EDIL3: variants seen among roughly 807,000 people sequenced by gnomAD.
EDIL3 encodes EGF like and discoidin domains 3.
Under a neutral mutation model 67.4 loss-of-function variants are expected in EDIL3, and 37 were observed. The observed-to-expected ratio is 0.55, with a 90% CI of 0.42 to 0.72. The LOEUF (loss-of-function observed/expected upper bound fraction) is 0.72. EDIL3 is among the 30% of genes least tolerant of loss of function. The probability of loss-of-function intolerance (pLI) is 0.00; values close to 1 mark genes in which losing one functional copy is unlikely to be tolerated. For missense variants in EDIL3, 527 were observed against 586.3 expected (o/e 0.90, Z 1.04); for synonymous variants, 195 against 196.3 (o/e 0.99, Z 0.05).
At chr5:84,341,301 T>C (rs1251045882) in intron 1 of EDIL3, among the ~76,000 whole-genome samples, 1 of 152,070 alleles carries the variant, frequency 6.6e-6, no homozygotes, top group East Asian at 1.9e-4. Flanking sequence ...TCCTACTGTG[T>C]GCAATGTTCT....
chr5:84,033,154 T>A (rs1745958345), intron 9 of EDIL3, among the ~76,000 whole-genome samples: 1 of 152,198 alleles, frequency 6.6e-6, no homozygotes, highest in Admixed American at 6.5e-5. Context: ...GTAGGATGCT[T>A]CTCTGGAGAT....
chr5:84,360,372 C>G (rs979815868), intron 1 of EDIL3, among the ~76,000 whole-genome samples: 1 of 152,134 alleles, frequency 6.6e-6, no homozygotes. Flanking sequence ...TTTTGTACAG[C>G]CTTCCCTGAG....
intron 1 of EDIL3, among the ~76,000 whole-genome samples, chr5:84,294,064 T>C (rs750632223): frequency 8.6e-5 from 13 of 151,906 alleles, no homozygotes; most frequent in East Asian, 3.9e-4. Flanking sequence ...CCCTTCATTA[T>C]TGCATATACC....
chr5:84,161,468 C>G (rs572988182), intron 4 of EDIL3, among the ~76,000 whole-genome samples: 17 of 151,940 alleles, frequency 1.1e-4, no homozygotes, highest in Non-Finnish European at 2.4e-4. Context: ...AAAAAAAGAG[C>G]TTCACAGTCT....
intron 3 of EDIL3, among the ~76,000 whole-genome samples, chr5:84,187,487 C>G (rs1743489178): frequency 6.6e-6 from 1 of 151,908 alleles, no homozygotes; most frequent in South Asian, 2.1e-4. Context: ...AAATATGCCT[C>G]CAAAACATTG....
intron 1 of EDIL3, among the ~76,000 whole-genome samples, chr5:84,263,364 T>A (rs1397213342): frequency 6.6e-6 from 1 of 152,176 alleles, no homozygotes; most frequent in Non-Finnish European, 1.5e-5. Flanking sequence ...ATGACCTAGA[T>A]GAAGGCACAT....
chr5:84,077,842 T>C (rs748076131), intron 6 of EDIL3, among the ~76,000 whole-genome samples: 34 of 145,494 alleles, frequency 2.3e-4, no homozygotes, highest in Non-Finnish European at 4.2e-4. Context: ...TTCTTCTTTC[T>C]TTTTCTTCCT....
intron 3 of EDIL3, among the ~76,000 whole-genome samples, chr5:84,222,039 G>T (rs915145069): frequency 6.6e-6 from 1 of 151,810 alleles, no homozygotes; most frequent in Non-Finnish European, 1.5e-5. Context: ...AGCATAGTCA[G>T]CCATGCAGAA....
intron 9 of EDIL3, among the ~76,000 whole-genome samples, chr5:84,036,642 A>G (rs1247509308): frequency 5.3e-5 from 8 of 152,226 alleles, no homozygotes; most frequent in Non-Finnish European, 1.2e-4. Context: ...GAGCATTGAT[A>G]TAGAGGTGAT....
At chr5:84,220,597 C>T (rs1158905276) in intron 3 of EDIL3, among the ~76,000 whole-genome samples, 4 of 152,016 alleles carry the variant, frequency 2.6e-5, no homozygotes, top group African/African-American at 7.2e-5. Flanking sequence ...TGATTGGTGA[C>T]CTTCATTGAT....
intron 1 of EDIL3, among the ~76,000 whole-genome samples, chr5:84,363,277 T>C (rs1747652839): frequency 6.6e-6 from 1 of 151,860 alleles, no homozygotes; most frequent in Admixed American, 6.6e-5. Flanking sequence ...GCCAACATGG[T>C]GAAACTCTGT....
chr5:84,314,258 A>G (rs1051133780), intron 1 of EDIL3, among the ~76,000 whole-genome samples: 6 of 152,128 alleles, frequency 3.9e-5, no homozygotes, highest in African/African-American at 1.4e-4. Context: ...ATCAGGAGGC[A>G]GTCCGTACTA....
At chr5:84,363,446 CA>C (rs34829764) in intron 1 of EDIL3, among the ~76,000 whole-genome samples, 3,371 of 76,514 alleles carry the variant, frequency 0.044, 95 homozygotes, top group African/African-American at 0.13. Context: ...AAGACTCTGT[CA>C]AAAAAAAAAA....
intron 9 of EDIL3, among the ~76,000 whole-genome samples, chr5:84,043,968 G>T (rs187249469): frequency 3.3e-5 from 5 of 152,152 alleles, no homozygotes; most frequent in Admixed American, 2.6e-4. Flanking sequence ...GGATACATGT[G>T]CCAGGGTAGT....
chr5:84,238,814 A>G (rs542180538), intron 2 of EDIL3, among the ~76,000 whole-genome samples: 52 of 152,006 alleles, frequency 3.4e-4, no homozygotes, highest in Middle Eastern at 3.4e-3. Flanking sequence ...CTTAATTGGG[A>G]TGTCTTTAAA....
At chr5:84,162,113 T>G (rs1419404252) in intron 4 of EDIL3, among the ~76,000 whole-genome samples, 1 of 152,022 alleles carries the variant, frequency 6.6e-6, no homozygotes, top group Non-Finnish European at 1.5e-5. Flanking sequence ...AGGACAGATA[T>G]GGAGAAGGGG....
intron 4 of EDIL3, among the ~76,000 whole-genome samples, chr5:84,151,945 G>C (rs1748402568): frequency 6.8e-6 from 1 of 146,304 alleles, no homozygotes; most frequent in African/African-American, 2.5e-5. Flanking sequence ...ATGGACTCTA[G>C]ATCTGTAGCC....
chr5:84,112,910 T>C (rs1240160849), intron 5 of EDIL3, among the ~76,000 whole-genome samples: 1 of 152,196 alleles, frequency 6.6e-6, no homozygotes, highest in African/African-American at 2.4e-5. Flanking sequence ...ACCATTTTAT[T>C]TGTATACTTC....
chr5:83,954,118 A>G (rs1744465819), intron 10 of EDIL3, among the ~76,000 whole-genome samples: 1 of 151,792 alleles, frequency 6.6e-6, no homozygotes, highest in Non-Finnish European at 1.5e-5. Flanking sequence ...TGCTTAACAT[A>G]TTGCAGCTGA....
Sources: allele counts gnomAD v4.1 joint callset (sites outside exome capture counted in the v4.1 genomes callset), GRCh38; gene constraint gnomAD v4.1.1; transcripts MANE v1.5; gene names NCBI Gene and HGNC (gene_info 2026-07-23, HGNC 2026-07-21).